MACROD2: variants seen among roughly 807,000 people sequenced by gnomAD.
The protein encoded by MACROD2 is mono-ADP ribosylhydrolase 2, also known as ADP-ribose glycohydrolase MACROD2.
A neutral mutation model predicts 70.4 loss-of-function variants in MACROD2; 36 were observed. That is an observed-to-expected ratio of 0.51 (90% CI 0.39 to 0.68). The LOEUF is 0.68. MACROD2 is among the 30% of genes least tolerant of loss of function. The pLI, the probability that MACROD2 is intolerant of heterozygous loss-of-function variation, is 0.00. For synonymous variants in MACROD2, 172 were observed against 178.8 expected (o/e 0.96, Z 0.30); for missense variants, 496 against 538.4 (o/e 0.92, Z 0.78).
intron 5 of MACROD2, among the ~76,000 whole-genome samples, chr20:14,899,149 T>G (rs2073865848): frequency 6.6e-6 from 1 of 152,222 alleles, no homozygotes. Context: ...TTGTACACAC[T>G]TCTGATATTT....
intron 3 of MACROD2, among the ~76,000 whole-genome samples, chr20:14,288,181 CCTT>C (rs528846152): frequency 3.7e-4 from 56 of 151,866 alleles, no homozygotes; most frequent in African/African-American, 1.3e-3. Context: ...CAATATCTTT[CCTT>C]CTTCTTCCCC....
At chr20:14,546,878 G>T (rs2085496663) in intron 4 of MACROD2, among the ~76,000 whole-genome samples, 1 of 151,608 alleles carries the variant, frequency 6.6e-6, no homozygotes, top group Admixed American at 6.6e-5. Flanking sequence ...GTTAGTCCCT[G>T]CACAGTGTTA....
intron 6 of MACROD2, among the ~76,000 whole-genome samples, chr20:15,400,302 C>T (rs1301612511): frequency 6.6e-6 from 1 of 152,170 alleles, no homozygotes; most frequent in African/African-American, 2.4e-5. Context: ...AAATGCTGAA[C>T]CCCAGGACAC....
chr20:15,939,174 T>C (rs1023634100), intron 12 of MACROD2, among the ~76,000 whole-genome samples: 11 of 152,196 alleles, frequency 7.2e-5, no homozygotes, highest in African/African-American at 2.7e-4. Flanking sequence ...CTAGCTAAAA[T>C]CACTGATCAA....
intron 3 of MACROD2, among the ~76,000 whole-genome samples, chr20:14,249,128 G>GTTTTT (rs1173672516): frequency 1.1e-4 from 11 of 103,052 alleles, no homozygotes; most frequent in African/African-American, 3.3e-4. Context: ...GATTTCAAAG[G>GTTTTT]TTTTTTTTTT....
At chr20:14,567,771 GA>G (rs1816851450) in intron 4 of MACROD2, among the ~76,000 whole-genome samples, 1 of 152,122 alleles carries the variant, frequency 6.6e-6, no homozygotes, top group East Asian at 1.9e-4. Flanking sequence ...TATTTGGATG[GA>G]AAAGGGAGTA....
rs1211163176 is a variant in MACROD2 at position 16,049,939 on chromosome 20, G to T, written c.*63G>T. On this transcript the variant is annotated 3_prime_UTR_variant, in exon 18 of 18. Transcript: ENST00000684519. ...GGAGCTCGGGAAGATAGCAGCACAC[G>T]CTGTGGAGGAGGGTGGGGGTGGGGG... 6.3e-6 allele frequency: 7 copies of T among 1,113,080 alleles called. No homozygotes were observed. Among genetic ancestry groups the T allele is most frequent in the Non-Finnish European group, 9.2e-6 (7 of 761,758 alleles). 69.0% of individuals were successfully genotyped at this position (1,113,080 alleles called of 1,614,324 possible).
chr20:14,952,580 C>T (rs2074484375), intron 5 of MACROD2, among the ~76,000 whole-genome samples: 1 of 152,110 alleles, frequency 6.6e-6, no homozygotes, highest in Non-Finnish European at 1.5e-5. Context: ...CCACATATCT[C>T]ATTAGCAACT....
At position 15,602,014 on chromosome 20, in the gene MACROD2, C is replaced by T. The variant is rs369495758; in HGVS notation, c.645+102167C>T. ...CTGCACTCCAGCCTGGACAACAGAG[C>T]GAGACTCAGTCTCAAAAAAAAAAAG... On this transcript the variant is annotated intron_variant, in intron 8 of 17. Transcript: ENST00000684519. Among the ~76,000 whole-genome samples, 119 of 142,134 alleles carry T rather than the reference C, an allele frequency of 8.4e-4. 3 individuals are homozygous for T. In the South Asian group the frequency reaches 0.024, roughly 28 times the overall value. The allele number at this position is 142,134 out of a possible 152,430, so 93.2% of individuals were successfully genotyped here. A position where few individuals can be genotyped will look rare whatever the true frequency, so the allele number is the denominator to read the frequency against.
At chr20:14,649,478 A>G (rs754223040) in intron 4 of MACROD2, among the ~76,000 whole-genome samples, 6 of 152,190 alleles carry the variant, frequency 3.9e-5, no homozygotes, top group Non-Finnish European at 8.8e-5. Flanking sequence ...CAGTTCTAAC[A>G]GGGAAAGTAA....
chr20:14,899,495 A>C (rs1007076331), intron 5 of MACROD2, among the ~76,000 whole-genome samples: 14 of 152,150 alleles, frequency 9.2e-5, no homozygotes, highest in African/African-American at 3.4e-4. Context: ...GGTTTGTAGA[A>C]GCATCACTCT....
At chr20:14,784,434 ACTTCATTTTAG>A (rs1027456513) in intron 5 of MACROD2, among the ~76,000 whole-genome samples, 20 of 152,026 alleles carry the variant, frequency 1.3e-4, no homozygotes, top group South Asian at 6.2e-4. Flanking sequence ...AGTTGGTGGC[ACTTCATTTTAG>A]CTTCATTTTA....
At chr20:14,514,840 T>A (rs993214118) in intron 4 of MACROD2, among the ~76,000 whole-genome samples, 1 of 152,158 alleles carries the variant, frequency 6.6e-6, no homozygotes, top group Admixed American at 6.6e-5. Context: ...CTTCTAGGAC[T>A]TCCATGGTAG....
At chr20:15,657,413 A>T (rs1016877268) in intron 8 of MACROD2, among the ~76,000 whole-genome samples, 2 of 152,200 alleles carry the variant, frequency 1.3e-5, no homozygotes, top group Admixed American at 1.3e-4. Flanking sequence ...AGCAGTTCCA[A>T]GCTCCAGTGG....
intron 3 of MACROD2, among the ~76,000 whole-genome samples, chr20:14,148,963 T>G (rs949990090): frequency 6.6e-6 from 1 of 152,080 alleles, no homozygotes; most frequent in Non-Finnish European, 1.5e-5. Context: ...TAGCACACTT[T>G]TCTGCTGTTC....
At position 15,228,193 on chromosome 20, in the gene MACROD2, T is replaced by C. The variant is rs549923854; in HGVS notation, c.419-1747T>C. On this transcript the variant is annotated intron_variant, in intron 5 of 17. Transcript: ENST00000684519. ...AAATGATATCACTGTGTGCTATTTT[T>C]TTTCCTGAGTACACCTCAAGCCCAT... 2.0e-5 allele frequency among the ~76,000 whole-genome samples: 3 copies of C among 152,344 alleles called. No homozygotes were observed. The South Asian group carries it at 6.2e-4, about 32-fold the overall frequency.
chr20:14,693,152 T>A (rs917242124), intron 5 of MACROD2, among the ~76,000 whole-genome samples: 2 of 152,170 alleles, frequency 1.3e-5, no homozygotes, highest in Non-Finnish European at 2.9e-5. Flanking sequence ...TGCTGTGAAA[T>A]AAGTAGTTAG....
chr20:16,030,682 C>T (rs1356295292), intron 15 of MACROD2, among the ~76,000 whole-genome samples: 1 of 152,140 alleles, frequency 6.6e-6, no homozygotes, highest in African/African-American at 2.4e-5. Flanking sequence ...AAATGTTCCA[C>T]TCTTAGAGAA....
chr20:15,853,013 AAATAAT>A (rs1223570778), intron 8 of MACROD2, among the ~76,000 whole-genome samples: 1 of 152,014 alleles, frequency 6.6e-6, no homozygotes, highest in Non-Finnish European at 1.5e-5. Context: ...TCTATCTCTA[AAATAAT>A]AATAATAATA....
Sources: allele counts gnomAD v4.1 joint callset (sites outside exome capture counted in the v4.1 genomes callset), GRCh38; gene constraint gnomAD v4.1.1; transcripts MANE v1.5; gene names NCBI Gene and HGNC (gene_info 2026-07-23, HGNC 2026-07-21).